CREB5: variants seen among roughly 807,000 people sequenced by gnomAD.
The protein encoded by CREB5 is cAMP responsive element binding protein 5, also known as cyclic AMP-responsive element-binding protein 5.
In CREB5, 19 loss-of-function variants were observed where a neutral mutation model predicts 57.1. That is an observed-to-expected ratio of 0.33 (90% CI 0.23 to 0.49). The LOEUF (loss-of-function observed/expected upper bound fraction) is 0.49. Ranked by LOEUF, CREB5 falls within the 20% of genes least tolerant of loss-of-function variation. The pLI is 0.99. For missense variants in CREB5, 579 were observed against 671.6 expected, an observed-to-expected ratio of 0.86 and a Z score of 1.52; for synonymous variants, 238 against 238.3, an observed-to-expected ratio of 1.00 and a Z score of 0.01.
At chr7:28,485,145 TTAAG>T (rs1791498940) in intron 1 of CREB5, among the ~76,000 whole-genome samples, 1 of 152,210 alleles carries the variant, frequency 6.6e-6, no homozygotes, top group Non-Finnish European at 1.5e-5. Context: ...TTCCTCATAC[TTAAG>T]TGTCTGGGCT....
chr7:28,530,262 A>G (rs1008004078), intron 4 of CREB5, among the ~76,000 whole-genome samples: 1 of 152,214 alleles, frequency 6.6e-6, no homozygotes, highest in African/African-American at 2.4e-5. Context: ...CCCGTCAGAT[A>G]AGAGGAGCCA....
At chr7:28,346,787 C>T (rs550818777) in intron 1 of CREB5, among the ~76,000 whole-genome samples, 4 of 152,218 alleles carry the variant, frequency 2.6e-5, no homozygotes, top group South Asian at 4.2e-4. Context: ...GAGAATACGT[C>T]CATCCTTCCT....
At chr7:28,498,952 G>A (rs776376321) in intron 3 of CREB5, among the ~76,000 whole-genome samples, 7 of 152,200 alleles carry the variant, frequency 4.6e-5, no homozygotes, top group Admixed American at 3.3e-4. Flanking sequence ...GTGGGAATGT[G>A]TAGAGGACAA....
intron 1 of CREB5, among the ~76,000 whole-genome samples, chr7:28,323,181 C>T (rs1482093122): frequency 6.6e-6 from 1 of 152,160 alleles, no homozygotes; most frequent in East Asian, 1.9e-4. Flanking sequence ...TGGGAGAGCC[C>T]CAATCCTGGT....
At position 28,494,279 on chromosome 7, in the gene CREB5, ATTAG is replaced by A. The variant is rs1583535171; in HGVS notation, c.76-623_76-620del. Among the ~76,000 whole-genome samples the A allele has an allele frequency of 2.6e-5, 4 of 152,224 alleles. No individual in the cohort carries two copies. In the East Asian group the frequency reaches 7.7e-4, roughly 29 times the overall value. ...AATTTTAACTCGTCATGCTGCCATT[ATTAG>A]TTATTCTTCATGACCACAAATAAGC... On this transcript the variant is annotated intron_variant, in intron 2 of 10. Coordinates refer to ENST00000357727, the MANE Select transcript of CREB5 (RefSeq NM_182898.4).
chr7:28,639,153 G>T (rs971831280), intron 5 of CREB5, among the ~76,000 whole-genome samples: 1 of 152,248 alleles, frequency 6.6e-6, no homozygotes. Context: ...AATGATTTCA[G>T]CCTCTCCTAA....
At chr7:28,361,423 C>T (rs1786479039) in intron 1 of CREB5, among the ~76,000 whole-genome samples, 1 of 152,190 alleles carries the variant, frequency 6.6e-6, no homozygotes, top group African/African-American at 2.4e-5. Context: ...TTGGTGGCAA[C>T]ATAAATCCAG....
At chr7:28,560,935 T>TGTGTGCGCGCGTGCGTGC (rs74212086) in intron 4 of CREB5, among the ~76,000 whole-genome samples, 1 of 56,266 alleles carries the variant, frequency 1.8e-5, no homozygotes, top group African/African-American at 8.3e-5. Context: ...CGTGCGTGTG[T>TGTGTGCGCGCGTGCGTGC]GCGTGCGTGT....
At chr7:28,703,013 C>A (rs1417538514) in intron 5 of CREB5, among the ~76,000 whole-genome samples, 2 of 152,126 alleles carry the variant, frequency 1.3e-5, no homozygotes, top group Non-Finnish European at 2.9e-5. Flanking sequence ...AAAGATAGTA[C>A]TACAGGCATC....
At chr7:28,651,510 G>A (rs1159898034) in intron 5 of CREB5, among the ~76,000 whole-genome samples, 1 of 152,176 alleles carries the variant, frequency 6.6e-6, no homozygotes, top group Non-Finnish European at 1.5e-5. Context: ...GAGAGGCCAA[G>A]GTGGCAGGAT....
intron 7 of CREB5, among the ~76,000 whole-genome samples, chr7:28,742,609 C>T (rs1459678269): frequency 6.6e-6 from 1 of 151,684 alleles, no homozygotes; most frequent in Non-Finnish European, 1.5e-5. Flanking sequence ...ATGAGCAAAC[C>T]CTTCATCTCC....
At chr7:28,400,766 G>T (rs190101215) in intron 1 of CREB5, among the ~76,000 whole-genome samples, 2 of 152,130 alleles carry the variant, frequency 1.3e-5, no homozygotes, top group Non-Finnish European at 2.9e-5. Context: ...TTTTAAAAAG[G>T]TACTTATAAA....
chr7:28,335,405 T>G (rs778094638), intron 1 of CREB5, among the ~76,000 whole-genome samples: 17 of 152,106 alleles, frequency 1.1e-4, no homozygotes, highest in Non-Finnish European at 1.9e-4. Context: ...TGTAGAGATA[T>G]TTCACTTCTT....
intron 1 of CREB5, among the ~76,000 whole-genome samples, chr7:28,343,588 T>A (rs1785978047): frequency 6.6e-6 from 1 of 152,226 alleles, no homozygotes; most frequent in Non-Finnish European, 1.5e-5. Flanking sequence ...TGTATCTATA[T>A]CTACATATAC....
At chr7:28,775,542 C>CTATATATATATATATATATATATA (rs1806570052) in intron 7 of CREB5, among the ~76,000 whole-genome samples, 1 of 54,824 alleles carries the variant, frequency 1.8e-5, no homozygotes, top group Admixed American at 1.9e-4. Flanking sequence ...TATTCCTTAG[C>CTATATATATATATATATATATATA]CATATATATA....
At chr7:28,741,320 C>G (rs1026928873) in intron 7 of CREB5, among the ~76,000 whole-genome samples, 4 of 152,174 alleles carry the variant, frequency 2.6e-5, no homozygotes, top group African/African-American at 9.7e-5. Flanking sequence ...TCTGAAAGAG[C>G]CTCCCTCCAT....
In CREB5 at chr7:28,804,469, G is replaced by T. The variant is rs1562652911; in HGVS notation, c.973G>T (p.Ala325Ser). ...CCATTCCCACCTTCATGCACACCCA[G>T]CACATCACCAGACCTCGCCACATCC... ...HSHSHLHAHP[A>S]HHQTSPHPPL... The change falls in exon 8 of 11, where the codon GCA becomes TCA. Residue 325 changes from alanine (A) to serine (S), a missense_variant. Physicochemically the swap from Ala to Ser is moderately conservative, Grantham distance 99. Coordinates refer to ENST00000357727, the MANE Select transcript of CREB5 (RefSeq NM_182898.4). The T allele has an allele frequency of 6.2e-7, 1 of 1,613,854 alleles. No homozygotes were observed. The highest frequency in any genetic ancestry group is 1.3e-5 in the African/African-American group (1 of 74,840).
At chr7:28,552,591 A>G (rs1794717089) in intron 4 of CREB5, among the ~76,000 whole-genome samples, 1 of 152,116 alleles carries the variant, frequency 6.6e-6, no homozygotes, top group Admixed American at 6.5e-5. Context: ...GGCAGTCTTG[A>G]GCCTTCCCCT....
chr7:28,813,019 G>A (rs973318389), intron 9 of CREB5, among the ~76,000 whole-genome samples: 1 of 152,196 alleles, frequency 6.6e-6, no homozygotes, highest in Non-Finnish European at 1.5e-5. Context: ...TCATTTCCTA[G>A]TCTCACAACA....
Sources: gnomAD v4.1 joint callset for allele counts (sites outside exome capture counted in the v4.1 genomes callset) on GRCh38, gnomAD v4.1.1 for gene constraint, MANE v1.5 for transcripts, NCBI Gene and HGNC (gene_info 2026-07-23, HGNC 2026-07-21) for gene names.